The following ANGPT1 variants were observed in gnomAD, a reference collection of about 807,000 sequenced individuals.
The protein encoded by ANGPT1 is angiopoietin 1.
ANGPT1 carries 17 observed loss-of-function variants against 62.2 expected under a neutral mutation model. That is an observed-to-expected ratio of 0.27 (90% CI 0.19 to 0.41). The LOEUF is 0.41. ANGPT1 is among the 10% of genes least tolerant of loss of function. The pLI is 1.00. For synonymous variants in ANGPT1, 199 were observed against 198.9 expected (o/e 1.00, Z 0.00); for missense variants, 478 against 594.9 (o/e 0.80, Z 2.04).
chr8:107,416,977 G>A (rs897091399), intron 1 of ANGPT1, among the ~76,000 whole-genome samples: 2 of 151,912 alleles, frequency 1.3e-5, no homozygotes, highest in Non-Finnish European at 2.9e-5. Context: ...TTTTAGTAGC[G>A]ACAGGGTTTC....
intron 4 of ANGPT1, among the ~76,000 whole-genome samples, chr8:107,309,554 G>A (rs1814799905): frequency 6.6e-6 from 1 of 152,064 alleles, no homozygotes; most frequent in African/African-American, 2.4e-5. Context: ...GCATTTCAAG[G>A]GTGTGGAAGA....
intron 1 of ANGPT1, among the ~76,000 whole-genome samples, chr8:107,449,875 T>C (rs1811723379): frequency 6.6e-6 from 1 of 152,106 alleles, no homozygotes. Flanking sequence ...TATATTAAAC[T>C]TACTATCAAA....
intron 1 of ANGPT1, among the ~76,000 whole-genome samples, chr8:107,486,758 T>C (rs1812826141): frequency 2.0e-5 from 3 of 152,212 alleles, no homozygotes; most frequent in South Asian, 2.1e-4. Flanking sequence ...AGTTTGACTC[T>C]AGGCATGACA....
intron 1 of ANGPT1, among the ~76,000 whole-genome samples, chr8:107,430,144 A>T (rs1451368798): frequency 6.6e-6 from 1 of 152,208 alleles, no homozygotes; most frequent in African/African-American, 2.4e-5. Flanking sequence ...AGTATACAGA[A>T]AAAAAGTCCT....
At chr8:107,442,602 C>T (rs1811512757) in intron 1 of ANGPT1, among the ~76,000 whole-genome samples, 1 of 152,126 alleles carries the variant, frequency 6.6e-6, no homozygotes, top group African/African-American at 2.4e-5. Flanking sequence ...ACAATGGAAG[C>T]TATTGGGTTA....
chr8:107,393,790 G>T (rs1275782056), intron 1 of ANGPT1, among the ~76,000 whole-genome samples: 2 of 152,078 alleles, frequency 1.3e-5, no homozygotes, highest in African/African-American at 4.8e-5. Context: ...AGCCTGGGCG[G>T]CTGGACGAGA....
At chr8:107,370,369 A>AAAG (rs1384514591) in intron 1 of ANGPT1, among the ~76,000 whole-genome samples, 3 of 33,924 alleles carry the variant, frequency 8.8e-5, no homozygotes, top group Non-Finnish European at 3.4e-4. Context: ...AGAAAGAAAG[A>AAAG]AAGAAAGAAA....
chr8:107,414,090 G>T (rs894111427), intron 1 of ANGPT1, among the ~76,000 whole-genome samples: 1 of 152,056 alleles, frequency 6.6e-6, no homozygotes, highest in Admixed American at 6.6e-5. Context: ...ATGGGTATAG[G>T]GTTTATGATA....
chr8:107,481,820 G>A (rs898951283), intron 1 of ANGPT1, among the ~76,000 whole-genome samples: 12 of 152,048 alleles, frequency 7.9e-5, no homozygotes, highest in Non-Finnish European at 1.2e-4. Context: ...ACTCACTATC[G>A]TGAGAACTCA....
chr8:107,264,737 G>A (rs1813574544), intron 7 of ANGPT1, among the ~76,000 whole-genome samples: 1 of 152,156 alleles, frequency 6.6e-6, no homozygotes. Flanking sequence ...AGCAATAAAA[G>A]GAGGAAGTTT....
At chr8:107,317,947 A>G (rs1815058968) in intron 4 of ANGPT1, among the ~76,000 whole-genome samples, 2 of 152,114 alleles carry the variant, frequency 1.3e-5, no homozygotes, top group African/African-American at 4.8e-5. Context: ...TGGTTTTTTA[A>G]TAGTCACAGT....
chr8:107,482,914 C>G (rs905291206), intron 1 of ANGPT1, among the ~76,000 whole-genome samples: 2 of 151,958 alleles, frequency 1.3e-5, no homozygotes, highest in Non-Finnish European at 2.9e-5. Context: ...TCTCAAATGC[C>G]CAGTAATCAG....
In ANGPT1 at chr8:107,484,226, A is replaced by C. The variant is rs77992804; in HGVS notation, c.297+13036T>G. Among the ~76,000 whole-genome samples, 1,425 of 152,312 alleles carry C rather than the reference A, an allele frequency of 9.4e-3. 22 individuals are homozygous for C. Among genetic ancestry groups the C allele is most frequent in the African/African-American group, 0.031 (1,300 of 41,572 alleles). On this transcript the variant is annotated intron_variant, in intron 1 of 8. Transcript: ENST00000517746. ...CTCAGAGTATGGGTTCAAATTCTGC[A>C]ATCTGCCTCAAAGTAAATATGTAAA...
chr8:107,434,503 G>A (rs887769488), intron 1 of ANGPT1, among the ~76,000 whole-genome samples: 5 of 151,992 alleles, frequency 3.3e-5, no homozygotes, highest in Non-Finnish European at 7.4e-5. Flanking sequence ...AAAGTCCAGG[G>A]GAATAAGCTC....
chr8:107,464,765 G>A (rs1360167156), intron 1 of ANGPT1, among the ~76,000 whole-genome samples: 1 of 152,072 alleles, frequency 6.6e-6, no homozygotes, highest in African/African-American at 2.4e-5. Context: ...CTCATACATG[G>A]AACTTGGAGT....
intron 1 of ANGPT1, among the ~76,000 whole-genome samples, chr8:107,440,565 G>T (rs763956516): frequency 6.6e-5 from 10 of 152,152 alleles, no homozygotes; most frequent in African/African-American, 9.7e-5. Flanking sequence ...TTTACAAATT[G>T]TCAATTCTTT....
chr8:107,490,326 T>C (rs1337059197), intron 1 of ANGPT1, among the ~76,000 whole-genome samples: 4 of 152,204 alleles, frequency 2.6e-5, no homozygotes, highest in African/African-American at 9.6e-5. Flanking sequence ...CCCAGACTTG[T>C]TTATCCACAG....
intron 1 of ANGPT1, among the ~76,000 whole-genome samples, chr8:107,489,375 T>C (rs1473049816): frequency 6.6e-6 from 1 of 152,196 alleles, no homozygotes; most frequent in Non-Finnish European, 1.5e-5. Context: ...CTCTAATAAG[T>C]GACCTGCACA....
intron 1 of ANGPT1, among the ~76,000 whole-genome samples, chr8:107,492,751 C>T (rs1812997116): frequency 6.6e-6 from 1 of 150,394 alleles, no homozygotes; most frequent in Admixed American, 6.7e-5. Context: ...AATAATATAC[C>T]AGTGAGAATT....
Sources: allele counts gnomAD v4.1 joint callset (sites outside exome capture counted in the v4.1 genomes callset), GRCh38; gene constraint gnomAD v4.1.1; transcripts MANE v1.5; gene names NCBI Gene and HGNC (gene_info 2026-07-23, HGNC 2026-07-21).